Variants in MYO1E observed in about 807,000 individuals in gnomAD.
The protein encoded by MYO1E is unconventional myosin-Ie.
In MYO1E, 68 loss-of-function variants were observed where a neutral mutation model predicts 151.1. That is an observed-to-expected ratio of 0.45 (90% CI 0.37 to 0.55). MYO1E has a LOEUF of 0.55. Among genes scored for constraint, MYO1E ranks in the 20% least tolerant of loss-of-function variants. The probability of loss-of-function intolerance (pLI) is 0.00; values close to 1 mark genes in which losing one functional copy is unlikely to be tolerated. For synonymous variants in MYO1E, 601 were observed against 501.7 expected, an observed-to-expected ratio of 1.20 and a Z score of -2.64; for missense variants, 1,363 against 1,389.3, an observed-to-expected ratio of 0.98 and a Z score of 0.30.
intron 25 of MYO1E, among the ~76,000 whole-genome samples, chr15:59,155,821 A>G (rs1328981809): frequency 7.0e-6 from 1 of 142,856 alleles, no homozygotes; most frequent in Non-Finnish European, 1.5e-5. Context: ...TTAGCATGCA[A>G]TGGTGAGATT....
At chr15:59,272,518 G>C in intron 1 of MYO1E, 69 bp from the exon 2 acceptor site, 2 of 1,495,642 alleles carry the variant, frequency 1.3e-6, no homozygotes, top group East Asian at 2.3e-5. Context: ...ACAAAATGCT[G>C]TTAATTTCCC....
In MYO1E at chr15:59,133,071, T is replaced by A. The variant is rs1010277429; in HGVS notation, c.*4309A>T. Reference sequence around the variant, plus strand: ...ATCACATTACTAAATATCTGTTGAATTGGAGAAAATGATTAAAAGCACAGG... The same window carrying A: ...ATCACATTACTAAATATCTGTTGAAATGGAGAAAATGATTAAAAGCACAGG... On this transcript the variant is annotated 3_prime_UTR_variant, in exon 28 of 28. Coordinates refer to ENST00000288235, the MANE Select transcript of MYO1E (RefSeq NM_004998.4). 1 of 152,186 alleles carries A rather than the reference T, an allele frequency of 6.6e-6. No individual in the cohort carries two copies. The highest frequency in any genetic ancestry group is 2.4e-5 in the African/African-American group (1 of 41,436). The allele number at this position is 152,186 out of a possible 1,614,324, so 9.4% of individuals were successfully genotyped here.
At chr15:59,307,087 A>G (rs1179131177) in intron 1 of MYO1E, among the ~76,000 whole-genome samples, 1 of 152,246 alleles carries the variant, frequency 6.6e-6, no homozygotes, top group African/African-American at 2.4e-5. Flanking sequence ...GAAGGAGAGC[A>G]CCAAAGCATG....
intron 1 of MYO1E, among the ~76,000 whole-genome samples, chr15:59,305,029 G>A (rs1176048183): frequency 2.0e-5 from 3 of 152,202 alleles, no homozygotes; most frequent in African/African-American, 7.2e-5. Context: ...GCCGAGCTGT[G>A]AGCACCTGAC....
At chr15:59,358,091 CCAAA>C (rs1179963984) in intron 1 of MYO1E, among the ~76,000 whole-genome samples, 2 of 152,088 alleles carry the variant, frequency 1.3e-5, no homozygotes, top group Non-Finnish European at 2.9e-5. Context: ...ACTCATAGCC[CCAAA>C]CAAAGAGGAT....
At chr15:59,227,166 C>G (rs1248768231) in intron 7 of MYO1E, among the ~76,000 whole-genome samples, 1 of 152,206 alleles carries the variant, frequency 6.6e-6, no homozygotes, top group East Asian at 1.9e-4. Flanking sequence ...CCGGCCAAAC[C>G]TGCCCACCTG....
At chr15:59,261,602 C>A in intron 2 of MYO1E, 93 bp from the exon 3 acceptor site, 2 of 855,238 alleles carry the variant, frequency 2.3e-6, no homozygotes, top group Non-Finnish European at 4.0e-6. Flanking sequence ...TTCACAATGA[C>A]TGTCCAAGTG....
At chr15:59,199,336 G>T (rs1247711370) in intron 16 of MYO1E, among the ~76,000 whole-genome samples, 2 of 152,070 alleles carry the variant, frequency 1.3e-5, no homozygotes, top group African/African-American at 4.8e-5. Context: ...AGCCACCTCG[G>T]TCTCCCAAAG....
rs145341325 is a variant in MYO1E, at chr15:59,135,572, C to T, written c.*1808G>A. ...TCATGGCTCTACTTTCCTCTCTGGT[C>T]GCAACATGGAACTGAAGTAGCCTTT... On this transcript the variant is annotated 3_prime_UTR_variant, in exon 28 of 28. Coordinates refer to ENST00000288235, the MANE Select transcript of MYO1E (RefSeq NM_004998.4). The T allele has an allele frequency of 1.7e-4, 26 of 152,330 alleles. No homozygotes were observed. Among genetic ancestry groups the T allele is most frequent in the African/African-American group, 6.3e-4 (26 of 41,550 alleles). The allele number at this position is 152,330 out of a possible 1,614,324, so 9.4% of individuals were successfully genotyped here.
intron 1 of MYO1E, among the ~76,000 whole-genome samples, chr15:59,285,782 T>A (rs567413917): frequency 6.6e-6 from 1 of 152,258 alleles, no homozygotes; most frequent in Admixed American, 6.5e-5. Flanking sequence ...GCATACCAAA[T>A]TAGTGTGTGC....
At chr15:59,337,568 C>A (rs768451160) in intron 1 of MYO1E, among the ~76,000 whole-genome samples, 4 of 152,208 alleles carry the variant, frequency 2.6e-5, no homozygotes, top group Non-Finnish European at 4.4e-5. Context: ...CAGTGGCTCA[C>A]GCCTGTAATC....
intron 1 of MYO1E, among the ~76,000 whole-genome samples, chr15:59,326,542 G>T (rs1357587961): frequency 6.6e-6 from 1 of 152,024 alleles, no homozygotes; most frequent in Admixed American, 6.5e-5. Flanking sequence ...TTATTTGGGT[G>T]GTCAGTCTGA....
intron 1 of MYO1E, among the ~76,000 whole-genome samples, chr15:59,344,266 G>T (rs376173158): frequency 6.6e-6 from 1 of 152,198 alleles, no homozygotes; most frequent in Non-Finnish European, 1.5e-5. Context: ...TAGTTCTTGC[G>T]GACTCGTAGA....
At chr15:59,195,235 A>C (rs2079759396) in intron 17 of MYO1E, among the ~76,000 whole-genome samples, 1 of 152,224 alleles carries the variant, frequency 6.6e-6, no homozygotes, top group Admixed American at 6.5e-5. Flanking sequence ...AGCCAAGATC[A>C]ACATTATAAA....
intron 12 of MYO1E, among the ~76,000 whole-genome samples, chr15:59,213,667 C>T (rs2079895271): frequency 6.7e-6 from 1 of 150,242 alleles, no homozygotes; most frequent in South Asian, 2.1e-4. Flanking sequence ...CATTTTGTCC[C>T]GCAGGCTGGT....
rs148848232 is a variant in MYO1E at position 59,165,973 on chromosome 15, C to T, written c.2481-2670G>A. Among the ~76,000 whole-genome samples, 3 of 152,302 alleles carry T rather than the reference C, an allele frequency of 2.0e-5. No individual in the cohort carries two copies. The East Asian group carries it at 5.8e-4, about 29-fold the overall frequency. ...GCAGGATGGTGATTATTCAACAGGG[C>T]TAAATGAGCCCAACACAAGTCACCT... On this transcript the variant is annotated intron_variant, in intron 22 of 27. Coordinates refer to ENST00000288235, the MANE Select transcript of MYO1E (RefSeq NM_004998.4).
chr15:59,177,712 GGAAA>G (rs1422575464), intron 19 of MYO1E, among the ~76,000 whole-genome samples: 1 of 152,190 alleles, frequency 6.6e-6, no homozygotes, highest in African/African-American at 2.4e-5. Flanking sequence ...ACTCTCATCA[GGAAA>G]GAAAGAAGTG....
At chr15:59,279,587 A>C (rs1320620629) in intron 1 of MYO1E, among the ~76,000 whole-genome samples, 1 of 152,126 alleles carries the variant, frequency 6.6e-6, no homozygotes, top group Non-Finnish European at 1.5e-5. Context: ...CTCAGCAAAA[A>C]GGGGTTCATA....
At chr15:59,261,339 G>C in intron 3 of MYO1E, 81 bp downstream of exon 3, 1 of 987,836 alleles carries the variant, frequency 1.0e-6, no homozygotes, top group Non-Finnish European at 1.6e-6. Flanking sequence ...AAGTGCAAAA[G>C]TACTGCTAAC....
Sources: gnomAD v4.1 joint callset for allele counts (sites outside exome capture counted in the v4.1 genomes callset) on GRCh38, gnomAD v4.1.1 for gene constraint, MANE v1.5 for transcripts, NCBI Gene and HGNC (gene_info 2026-07-23, HGNC 2026-07-21) for gene names.